Variants in TMEM132D observed in about 807,000 individuals in gnomAD.
TMEM132D encodes the protein mature OL transmembrane protein.
Under a neutral mutation model 62.3 loss-of-function variants are expected in TMEM132D, and 21 were observed. The observed-to-expected ratio is 0.34, with a 90% CI of 0.24 to 0.49. The LOEUF (loss-of-function observed/expected upper bound fraction) is 0.49, where lower values mean the gene tolerates loss of function less well. Among genes scored for constraint, TMEM132D ranks in the 20% least tolerant of loss-of-function variants. The probability of loss-of-function intolerance (pLI) is 0.99; values close to 1 mark genes in which losing one functional copy is unlikely to be tolerated. For synonymous variants in TMEM132D, 621 were observed against 575.6 expected, an observed-to-expected ratio of 1.08 and a Z score of -1.13; for missense variants, 1,346 against 1,402.8, an observed-to-expected ratio of 0.96 and a Z score of 0.65.
chr12:129,144,778 T>G (rs1876842943), intron 5 of TMEM132D, among the ~76,000 whole-genome samples: 2 of 151,970 alleles, frequency 1.3e-5, no homozygotes, highest in African/African-American at 4.9e-5. Flanking sequence ...TCCAGCTCTA[T>G]CTACCTAACT....
intron 5 of TMEM132D, among the ~76,000 whole-genome samples, chr12:129,097,795 G>A (rs1197636487): frequency 2.6e-5 from 4 of 152,176 alleles, no homozygotes; most frequent in Non-Finnish European, 4.4e-5. Flanking sequence ...TATTAATCAC[G>A]TTTAACTCAA....
chr12:129,492,708 T>G (rs1874835816), intron 3 of TMEM132D, among the ~76,000 whole-genome samples: 1 of 152,182 alleles, frequency 6.6e-6, no homozygotes. Context: ...CACCTTCTTC[T>G]TTGTATTTGT....
intron 1 of TMEM132D, among the ~76,000 whole-genome samples, chr12:129,885,668 T>A (rs1365762684): frequency 6.6e-6 from 1 of 152,244 alleles, no homozygotes; most frequent in Non-Finnish European, 1.5e-5. Flanking sequence ...ACTTGCAAAT[T>A]TCAAAAGTGG....
At chr12:129,362,166 A>G (rs1167966775) in intron 3 of TMEM132D, among the ~76,000 whole-genome samples, 1 of 152,212 alleles carries the variant, frequency 6.6e-6, no homozygotes, top group Non-Finnish European at 1.5e-5. Context: ...AGTCATTTCT[A>G]AAGATCGGTT....
At chr12:129,849,744 T>C (rs1873476657) in intron 1 of TMEM132D, among the ~76,000 whole-genome samples, 1 of 152,166 alleles carries the variant, frequency 6.6e-6, no homozygotes, top group Non-Finnish European at 1.5e-5. Flanking sequence ...ACACATTCTC[T>C]CCTCTGAATC....
intron 3 of TMEM132D, among the ~76,000 whole-genome samples, chr12:129,402,306 A>G (rs1871646998): frequency 1.3e-5 from 2 of 152,126 alleles, no homozygotes; most frequent in Non-Finnish European, 2.9e-5. Context: ...TTGTCTAGAA[A>G]CAAACCTTTG....
chr12:129,095,818 G>C (rs1003791126), intron 5 of TMEM132D, among the ~76,000 whole-genome samples: 4 of 152,160 alleles, frequency 2.6e-5, no homozygotes, highest in African/African-American at 9.7e-5. Flanking sequence ...TCCAGCATCT[G>C]CAACTGTGAG....
intron 3 of TMEM132D, among the ~76,000 whole-genome samples, chr12:129,422,763 A>C (rs1251104128): frequency 6.6e-6 from 1 of 152,242 alleles, no homozygotes; most frequent in African/African-American, 2.4e-5. Context: ...TATCAGGAAA[A>C]GACTACTGTC....
At chr12:129,870,436 C>T (rs1225364136) in intron 1 of TMEM132D, among the ~76,000 whole-genome samples, 1 of 152,184 alleles carries the variant, frequency 6.6e-6, no homozygotes, top group Non-Finnish European at 1.5e-5. Context: ...ACTGCCCTTA[C>T]ATAATGAAAC....
chr12:129,361,797 GACAA>G (rs1219319604), intron 3 of TMEM132D, among the ~76,000 whole-genome samples: 17 of 152,132 alleles, frequency 1.1e-4, no homozygotes, highest in Non-Finnish European at 2.2e-4. Context: ...TAAAATGATT[GACAA>G]ACAAGAATAG....
chr12:129,175,051 T>A lies in TMEM132D; in HGVS notation c.1443+34469A>T, dbSNP rs184781571. Among the ~76,000 whole-genome samples, 13 of 152,348 alleles carry A rather than the reference T, an allele frequency of 8.5e-5. No homozygotes were observed. In the East Asian group the frequency reaches 2.3e-3, roughly 27 times the overall value. ...CCTGTTCACTCTTATGATAGTTTCT[T>A]TTGCTGTGCAGAAGTTCTTTAGTTT... On this transcript the variant is annotated intron_variant, in intron 5 of 8. Coordinates refer to ENST00000422113, the MANE Select transcript of TMEM132D (RefSeq NM_133448.3).
intron 4 of TMEM132D, among the ~76,000 whole-genome samples, chr12:129,244,322 C>A (rs1177979591): frequency 6.8e-6 from 1 of 146,782 alleles, no homozygotes; most frequent in Non-Finnish European, 1.5e-5. Flanking sequence ...GGAGGCGGAG[C>A]TTGCAGTGAG....
At chr12:129,106,950 A>G (rs1875521251) in intron 5 of TMEM132D, among the ~76,000 whole-genome samples, 1 of 152,158 alleles carries the variant, frequency 6.6e-6, no homozygotes, top group African/African-American at 2.4e-5. Context: ...CATGTTGTGG[A>G]AGGATGCTGA....
chr12:129,528,761 C>T (rs7309253), intron 3 of TMEM132D, among the ~76,000 whole-genome samples: 101,743 of 152,150 alleles, frequency 0.67, 34,514 homozygotes, highest in African/African-American at 0.78. Context: ...ATTGAACAAA[C>T]ATTTATAGAC....
intron 5 of TMEM132D, among the ~76,000 whole-genome samples, chr12:129,096,025 G>A (rs1875104365): frequency 6.6e-6 from 1 of 152,152 alleles, no homozygotes; most frequent in Admixed American, 6.5e-5. Flanking sequence ...GCCAGCTCCT[G>A]GTGGGGGCTT....
chr12:129,517,208 A>G (rs1875708090), intron 3 of TMEM132D, among the ~76,000 whole-genome samples: 1 of 152,188 alleles, frequency 6.6e-6, no homozygotes, highest in South Asian at 2.1e-4. Flanking sequence ...AATGTAAGTT[A>G]CCTAAATTTT....
intron 1 of TMEM132D, among the ~76,000 whole-genome samples, chr12:129,849,227 C>G (rs1306304871): frequency 6.6e-6 from 1 of 152,160 alleles, no homozygotes; most frequent in Non-Finnish European, 1.5e-5. Context: ...TTTCATTTCC[C>G]AAACCCAAGT....
intron 3 of TMEM132D, among the ~76,000 whole-genome samples, chr12:129,482,643 T>A (rs1459848632): frequency 3.3e-5 from 5 of 152,126 alleles, no homozygotes; most frequent in Non-Finnish European, 7.4e-5. Context: ...ATGAAGAAAA[T>A]GGTACAGCAA....
chr12:129,892,495 C>G (rs1329694229), intron 1 of TMEM132D, among the ~76,000 whole-genome samples: 3 of 152,042 alleles, frequency 2.0e-5, no homozygotes, highest in Non-Finnish European at 2.9e-5. Context: ...ATTTCTTCTT[C>G]TTTCTCTCCT....
Sources: allele counts gnomAD v4.1 joint callset (sites outside exome capture counted in the v4.1 genomes callset), GRCh38; gene constraint gnomAD v4.1.1; transcripts MANE v1.5; gene names NCBI Gene and HGNC (gene_info 2026-07-23, HGNC 2026-07-21).